The following ZNF679 variants were observed in gnomAD, a reference collection of about 807,000 sequenced individuals.
ZNF679 encodes the protein zinc finger protein 679, also known as hypothetical protein MGC42415.
Under a neutral mutation model 13.4 loss-of-function variants are expected in ZNF679, and 10 were observed. The ratio of observed to expected loss-of-function variants is 0.75; its 90% CI spans 0.46 to 1.27. The LOEUF (loss-of-function observed/expected upper bound fraction) is 1.27. Among genes scored for constraint, ZNF679 ranks in the 50% most tolerant of loss-of-function variants. ZNF679 has a pLI of 0.00. For synonymous variants in ZNF679, 179 were observed against 162.5 expected, an observed-to-expected ratio of 1.10 and a Z score of -0.77; for missense variants, 525 against 477.8, an observed-to-expected ratio of 1.10 and a Z score of -0.92.
chr7:64,262,147 C>T (rs1188736824), intron 4 of ZNF679, among the ~76,000 whole-genome samples: 2 of 152,144 alleles, frequency 1.3e-5, no homozygotes, highest in Non-Finnish European at 2.9e-5. Flanking sequence ...TGAGCCACCG[C>T]GCCTGGCTCG....
chr7:64,256,515 A>C (rs1005260385), intron 2 of ZNF679, among the ~76,000 whole-genome samples: 7 of 152,162 alleles, frequency 4.6e-5, no homozygotes, highest in African/African-American at 1.7e-4. Context: ...ATGGTTAAAC[A>C]AATTTATACG....
intron 1 of ZNF679, among the ~76,000 whole-genome samples, chr7:64,244,761 A>C (rs1787843955): frequency 1.3e-5 from 2 of 152,202 alleles, no homozygotes. Context: ...AAGCCCAGCT[A>C]CTGAGCTACA....
Position 64,260,287 on chromosome 7 carries a change from G to T in ZNF679, c.106G>T (p.Ala36Ser). The change falls in exon 3 of 5, where the codon GCT becomes TCT. Residue 36 changes from alanine (A) to serine (S), a missense_variant. Ala to Ser is a moderately conservative substitution (Grantham distance 99). Coordinates refer to ENST00000421025, the MANE Select transcript of ZNF679 (RefSeq NM_153363.3). ...GGAGGAGTGGCAATGCCTGGATCACGCTCAGCAGAATTTATATAGAGATGT... is the reference window on the plus strand; with the variant it reads ...GGAGGAGTGGCAATGCCTGGATCACTCTCAGCAGAATTTATATAGAGATGT... ...SLEEWQCLDHAQQNLYRDVML... is the reference protein window; with the variant it reads ...SLEEWQCLDHSQQNLYRDVML... The T allele has an allele frequency of 6.2e-7, 1 of 1,612,834 alleles. No homozygotes were observed.
rs1444265276 is a variant in ZNF679 at position 64,260,818 on chromosome 7, T to A, written c.167-16T>A. On this transcript the variant is annotated splice_polypyrimidine_tract_variant and intron_variant, in intron 3 of 4. Transcript: ENST00000421025. ...TTCAGCAAGATTTATGTTACTTTTT[T>A]TTCTTAATAAAACAGGTATTGCTGT... 1 of 1,593,180 alleles carries A rather than the reference T, an allele frequency of 6.3e-7. No individual in the cohort carries two copies. The highest frequency in any genetic ancestry group is 1.1e-5 in the South Asian group (1 of 87,006).
intron 2 of ZNF679, among the ~76,000 whole-genome samples, chr7:64,255,576 A>G (rs1787994918): frequency 6.6e-6 from 1 of 151,610 alleles, no homozygotes; most frequent in Admixed American, 6.6e-5. Context: ...AACCAGTCCT[A>G]TCACTTACCT....
chr7:64,244,341 A>C (rs2116521787), intron 1 of ZNF679, among the ~76,000 whole-genome samples: 1 of 152,348 alleles, frequency 6.6e-6, no homozygotes. Flanking sequence ...ACTTGACTTT[A>C]GCCATGCCAA....
intron 1 of ZNF679, among the ~76,000 whole-genome samples, chr7:64,243,304 G>C (rs1464080969): frequency 6.6e-6 from 1 of 152,186 alleles, no homozygotes; most frequent in Non-Finnish European, 1.5e-5. Context: ...TGTGGGCAGA[G>C]ACTAGGAGGG....
chr7:64,245,745 G>T (rs6951009), intron 1 of ZNF679, among the ~76,000 whole-genome samples: 6,491 of 152,138 alleles, frequency 0.043, 168 homozygotes, highest in East Asian at 0.072. Context: ...GGTGGCTCAT[G>T]CCTGTAATTC....
chr7:64,266,321 CAT>C lies in ZNF679; in HGVS notation c.690_691del (p.His230GlnfsTer13). ...CAACTGCTCTTCAACCCTTTCTAAACATAAAAGAATTCATACTGGAGAGAAAC... is the reference window on the plus strand; with the variant it reads ...CAACTGCTCTTCAACCCTTTCTAAACAAAAGAATTCATACTGGAGAGAAAC... Reference protein sequence around the residue: ...PFNCSSTLSKHKRIHTGEKPY... With the variant: ...PFNCSSTLSKXKRIHTGEKPY... On this transcript the variant is annotated frameshift_variant, in exon 5 of 5. Transcript: ENST00000421025. LOFTEE classifies it low-confidence loss of function (END_TRUNC). 2 of 1,612,550 alleles carry C rather than the reference CAT, an allele frequency of 1.2e-6. No individual in the cohort carries two copies. The highest frequency in any genetic ancestry group is 1.1e-5 in the South Asian group (1 of 90,936).
intron 1 of ZNF679, among the ~76,000 whole-genome samples, chr7:64,245,261 G>A (rs1787852004): frequency 6.6e-6 from 1 of 152,212 alleles, no homozygotes; most frequent in Non-Finnish European, 1.5e-5. Context: ...CCCCCACTCA[G>A]GTGATCCACC....
chr7:64,246,463 G>A (rs772152772), intron 1 of ZNF679, among the ~76,000 whole-genome samples: 20 of 152,234 alleles, frequency 1.3e-4, no homozygotes, highest in Admixed American at 2.0e-4. Flanking sequence ...GTGGCTCATG[G>A]CTGTAACCCC....
intron 1 of ZNF679, among the ~76,000 whole-genome samples, chr7:64,246,647 C>A (rs1047643501): frequency 1.3e-5 from 2 of 151,872 alleles, no homozygotes; most frequent in Non-Finnish European, 2.9e-5. Flanking sequence ...CTCTTGAACC[C>A]GGGAGGCAGA....
intron 1 of ZNF679, among the ~76,000 whole-genome samples, chr7:64,234,063 C>T (rs1322141663): frequency 2.6e-5 from 4 of 152,104 alleles, no homozygotes; most frequent in African/African-American, 9.7e-5. Context: ...ACCAACACCA[C>T]AGCGACTGGG....
intron 4 of ZNF679, among the ~76,000 whole-genome samples, chr7:64,261,407 T>A (rs1788075761): frequency 6.6e-6 from 1 of 152,124 alleles, no homozygotes; most frequent in African/African-American, 2.4e-5. Flanking sequence ...TTTTTACAAC[T>A]TTTTTATTTT....
chr7:64,259,803 CTG>C, intron 2 of ZNF679, among the ~76,000 whole-genome samples: 1 of 152,080 alleles, frequency 6.6e-6, no homozygotes, highest in South Asian at 2.1e-4. Flanking sequence ...TGGCTCACGC[CTG>C]TAGTCCCAGC....
At chr7:64,246,015 C>G (rs1787864928) in intron 1 of ZNF679, among the ~76,000 whole-genome samples, 1 of 152,096 alleles carries the variant, frequency 6.6e-6, no homozygotes, top group Non-Finnish European at 1.5e-5. Context: ...TCAAAACAAA[C>G]AAACAAACAC....
chr7:64,256,486 T>C (rs1788005912), intron 2 of ZNF679, among the ~76,000 whole-genome samples: 1 of 152,160 alleles, frequency 6.6e-6, no homozygotes, highest in Non-Finnish European at 1.5e-5. Context: ...ATTGAAAAAT[T>C]GCCAAACTGT....
intron 1 of ZNF679, among the ~76,000 whole-genome samples, chr7:64,235,203 C>T (rs767764665): frequency 3.4e-4 from 52 of 151,868 alleles, no homozygotes; most frequent in Non-Finnish European, 7.1e-4. Context: ...AATTTAAAAA[C>T]TCACAAATAT....
intron 1 of ZNF679, among the ~76,000 whole-genome samples, chr7:64,246,532 G>A (rs1169781582): frequency 6.6e-6 from 1 of 152,062 alleles, no homozygotes; most frequent in African/African-American, 2.4e-5. Flanking sequence ...AGATCAATCT[G>A]GCCAACATGG....
Sources: allele counts gnomAD v4.1 joint callset (sites outside exome capture counted in the v4.1 genomes callset), GRCh38; gene constraint gnomAD v4.1.1; transcripts MANE v1.5; gene names NCBI Gene and HGNC (gene_info 2026-07-23, HGNC 2026-07-21).